VWCE: variants seen among roughly 807,000 people sequenced by gnomAD.
VWCE encodes von Willebrand factor C and EGF domain-containing protein.
A neutral mutation model predicts 102.9 loss-of-function variants in VWCE; 68 were observed. That is an observed-to-expected ratio of 0.66 (90% CI 0.54 to 0.81). VWCE has a LOEUF of 0.81. VWCE is among the 30% of genes least tolerant of loss of function. The pLI is 0.00. For synonymous variants in VWCE, 497 were observed against 515.4 expected, an observed-to-expected ratio of 0.96 and a Z score of 0.48; for missense variants, 1,137 against 1,263.6, an observed-to-expected ratio of 0.90 and a Z score of 1.52.
rs1246599632 is a variant in VWCE at position 61,280,889 on chromosome 11, T to C, written c.1134A>G (p.Arg378=). The C allele has an allele frequency of 3.3e-6, 5 of 1,531,070 alleles. No homozygotes were observed. The highest frequency in any genetic ancestry group is 4.4e-6 in the Non-Finnish European group (5 of 1,141,070). The allele number at this position is 1,531,070 out of a possible 1,614,324, so 94.8% of individuals were successfully genotyped here. ...AGCAGGGAGAGGGCCCTGCTGCCAG[T>C]CGGGGGGACTCAGGGCCCCTGGGTG... is the stretch of plus-strand genomic sequence containing the variant. ...PSSPRGPESP[R]LAAGPSPCWH... is the part of the protein sequence containing the mutation. The change falls in exon 8 of 20, where the codon CGA becomes CGG. Residue 378 remains arginine (R), a synonymous_variant. Transcript: ENST00000335613.
At chr11:61,271,858 G>A (rs1854716395) in intron 13 of VWCE, 98 bp from the exon 14 acceptor site, 4 of 1,030,484 alleles carry the variant, frequency 3.9e-6, no homozygotes, top group Admixed American at 2.0e-5. Flanking sequence ...CACAGACACC[G>A]ATATCACTCA....
rs761762570 is a variant in VWCE at position 61,278,441 on chromosome 11, C to T, written c.1360G>A (p.Asp454Asn). The T allele has an allele frequency of 1.9e-6, 3 of 1,614,154 alleles. No homozygotes were observed. Among genetic ancestry groups the T allele is most frequent in the Admixed American group, 3.3e-5 (2 of 60,026 alleles). Residue 454 changes from aspartate to asparagine, a missense_variant, in exon 10 of 20, where the codon GAT (aspartate) becomes AAT (asparagine). Around this residue, in one of 5 missense-constraint regions of VWCE, gnomAD observed 575 missense variants for 625.9 expected, o/e 0.92. Transcript: ENST00000335613. Reference sequence around the variant, plus strand: ...TTCTCATTGGGAGGTGAAAACACATCCCCTTCAGCTCGGACGACACCACTG... The same window carrying T: ...TTCTCATTGGGAGGTGAAAACACATTCCCTTCAGCTCGGACGACACCACTG... The part of the protein sequence containing the change: ...FHSGVVRAEG[D>N]VFSPPNENCT...
At chr11:61,260,889 A>C (rs1450720314) in intron 19 of VWCE, among the ~76,000 whole-genome samples, 2 of 152,200 alleles carry the variant, frequency 1.3e-5, no homozygotes, top group Non-Finnish European at 2.9e-5. Context: ...AAGAAGGAAG[A>C]AGCTCAGCAA....
intron 19 of VWCE, among the ~76,000 whole-genome samples, chr11:61,259,845 T>A (rs1361035125): frequency 3.9e-5 from 6 of 152,180 alleles, no homozygotes; most frequent in Non-Finnish European, 7.3e-5. Context: ...AAGAATTTTT[T>A]AAAAAGTCTC....
At chr11:61,282,983 C>T in intron 5 of VWCE, 78 bp from the exon 6 acceptor site, 9 of 1,198,948 alleles carry the variant, frequency 7.5e-6, no homozygotes, top group Non-Finnish European at 9.9e-6. Context: ...CTTCCTCCCT[C>T]ATCTCCATCT....
chr11:61,276,598 AC>A lies in VWCE; in HGVS notation c.1489del (p.Val497PhefsTer3). ...TPPQTDCCTC[V>X]PVRCYFHGRW... ...GCTCCAAGAGTGTCACTTACCTGGA[AC>A]ACAAGTACAGCAATCCGTCTGTGGG... On this transcript the variant is annotated frameshift_variant, in exon 11 of 20. Coordinates refer to ENST00000335613, the MANE Select transcript of VWCE (RefSeq NM_152718.2). LOFTEE classifies it high-confidence loss of function. 2 of 1,581,022 alleles carry A rather than the reference AC, an allele frequency of 1.3e-6. No individual in the cohort carries two copies. Among genetic ancestry groups the A allele is most frequent in the Non-Finnish European group, 1.7e-6 (2 of 1,167,052 alleles).
chr11:61,282,939 T>C, intron 5 of VWCE, 34 bp from the exon 6 acceptor site: 2 of 1,552,640 alleles, frequency 1.3e-6, no homozygotes, highest in Non-Finnish European at 1.8e-6. Context: ...GGGGTTCATT[T>C]CCCCAACAGA....
At chr11:61,275,053 TCAA>T (rs1854861334) in intron 11 of VWCE, among the ~76,000 whole-genome samples, 1 of 151,978 alleles carries the variant, frequency 6.6e-6, no homozygotes, top group African/African-American at 2.4e-5. Context: ...AGACCCCATG[TCAA>T]CAACAACAAA....
chr11:61,280,774 G>A lies in VWCE; in HGVS notation c.1230+19C>T, dbSNP rs1361564700. ...CAAGGCCCCAGACCAAGGAAGCTCCGGGGACCCCTAGTACCCACCTCGCAC... is the reference window on the plus strand; with the variant it reads ...CAAGGCCCCAGACCAAGGAAGCTCCAGGGACCCCTAGTACCCACCTCGCAC... On this transcript the variant is annotated intron_variant, in intron 8 of 19. Coordinates refer to ENST00000335613, the MANE Select transcript of VWCE (RefSeq NM_152718.2). 8 of 1,610,128 alleles carry A rather than the reference G, an allele frequency of 5.0e-6. No homozygotes were observed. In the South Asian group the frequency reaches 6.6e-5, roughly 13 times the overall value.
chr11:61,292,131 G>A (rs1855522539), intron 1 of VWCE, among the ~76,000 whole-genome samples: 1 of 152,112 alleles, frequency 6.6e-6, no homozygotes. Context: ...GCTGAGGTGG[G>A]AGAATGGCTT....
chr11:61,278,013 G>A (rs914513510), intron 10 of VWCE, among the ~76,000 whole-genome samples: 1 of 152,164 alleles, frequency 6.6e-6, no homozygotes, highest in African/African-American at 2.4e-5. Context: ...TTAACAAGCT[G>A]AGTTTGGTAA....
intron 5 of VWCE, 28 bp from the exon 6 acceptor site, chr11:61,282,933 T>TGAACCCCAG: frequency 6.4e-7 from 1 of 1,570,204 alleles, no homozygotes; most frequent in Non-Finnish European, 8.8e-7. Flanking sequence ...AAGACTGGGG[T>TGAACCCCAG]TCATTTCCCC....
At position 61,258,937 on chromosome 11, in the gene VWCE, G is replaced by A; in HGVS notation, c.2606C>T (p.Pro869Leu). 1 of 1,559,702 alleles carries A rather than the reference G, an allele frequency of 6.4e-7. No individual in the cohort carries two copies. The highest frequency in any genetic ancestry group is 8.7e-7 in the Non-Finnish European group (1 of 1,155,728). The change falls in exon 20 of 20, where the codon CCT (proline) becomes CTT (leucine). Residue 869 changes from proline (P) to leucine (L), a missense_variant. Coordinates refer to ENST00000335613, the MANE Select transcript of VWCE (RefSeq NM_152718.2). The stretch of plus-strand genomic sequence containing the variant: ...TGAGAACGAGCGCTCTGGAGTCACA[G>A]GAGGTGGCTGAGGAGCCCCTGGGGA... ...LASPGAPQPPPVTPERSFSAS... is the reference protein window; with the variant it reads ...LASPGAPQPPLVTPERSFSAS...
In VWCE at chr11:61,262,041, T is replaced by C. The variant is rs59412787; in HGVS notation, c.2230+2446A>G. On this transcript the variant is annotated intron_variant, in intron 19 of 19. Transcript: ENST00000335613. The stretch of plus-strand genomic sequence containing the variant: ...CAGTCTCAGCTCACTGCAACCTCCA[T>C]CTCCCAGGTTCAAGCAATTCTCCTG... 2.6e-5 allele frequency among the ~76,000 whole-genome samples: 4 copies of C among 152,082 alleles called. No individual in the cohort carries two copies. In the South Asian group the frequency reaches 8.3e-4, roughly 32 times the overall value.
At chr11:61,291,122 C>T in intron 3 of VWCE, 142 bp downstream of exon 3, 3 of 1,224,618 alleles carry the variant, frequency 2.4e-6, no homozygotes, top group South Asian at 1.6e-5. Context: ...GTTTCTTCAT[C>T]TATAAAATGG....
chr11:61,277,120 AAG>A lies in VWCE; in HGVS notation c.1408-442_1408-441del, dbSNP rs1008387111. 8.6e-5 allele frequency among the ~76,000 whole-genome samples: 12 copies of A among 139,306 alleles called. No homozygotes were observed. The East Asian group carries it at 9.3e-4, about 11-fold the overall frequency. The allele number at this position is 139,306 out of a possible 152,430, so 91.4% of individuals were successfully genotyped here. A position where few individuals can be genotyped will look rare whatever the true frequency, so the allele number is the denominator to read the frequency against. On this transcript the variant is annotated intron_variant, in intron 10 of 19. Coordinates refer to ENST00000335613, the MANE Select transcript of VWCE (RefSeq NM_152718.2). ...GAAACAGAGAAGTGAGAGAGAAAGA[AAG>A]AGAGAGAAAGAGAAGAAAGAAACAA... is the stretch of plus-strand genomic sequence containing the variant.
Position 61,259,172 on chromosome 11 carries a change from G to T in VWCE, c.2371C>A (p.Pro791Thr), listed in dbSNP as rs558635197. Residue 791 changes from proline (P) to threonine (T), a missense_variant, in exon 20 of 20, where the codon CCC becomes ACC. Physicochemically the swap from Pro to Thr is conservative, Grantham distance 38 (BLOSUM62 -1). Coordinates refer to ENST00000335613, the MANE Select transcript of VWCE (RefSeq NM_152718.2). ...SSCPGPPTAS[P>T]SRPVLHLLQL... ...AGGAGATGAAGCACCGGCCTCGAGG[G>T]TGATGCTGTCGGGGGCCCAGGACAG... The T allele has an allele frequency of 4.3e-6, 7 of 1,614,192 alleles. No homozygotes were observed. The African/African-American group carries it at 5.3e-5, about 12-fold the overall frequency.
intron 15 of VWCE, 81 bp from the exon 16 acceptor site, chr11:61,267,625 T>G: frequency 7.2e-7 from 1 of 1,382,452 alleles, no homozygotes; most frequent in African/African-American, 1.4e-5. Flanking sequence ...GTCACAGGCT[T>G]ATCTGGATGG....
chr11:61,278,187 A>T (rs955814053), intron 10 of VWCE, among the ~76,000 whole-genome samples: 2 of 152,226 alleles, frequency 1.3e-5, no homozygotes, highest in African/African-American at 4.8e-5. Context: ...GCTGCGGAGC[A>T]GAAGCCTCCC....
Sources: allele counts gnomAD v4.1 joint callset (sites outside exome capture counted in the v4.1 genomes callset), GRCh38; gene constraint gnomAD v4.1.1; regional missense constraint gnomAD v4.1.1; transcripts MANE v1.5; gene names NCBI Gene and HGNC (gene_info 2026-07-23, HGNC 2026-07-21).